Variants in FBXL17 observed in about 807,000 individuals in gnomAD.
FBXL17 encodes F-box and leucine rich repeat protein 17.
In FBXL17, 22 loss-of-function variants were observed where a neutral mutation model predicts 66.2. The ratio of observed to expected loss-of-function variants is 0.33; its 90% CI spans 0.24 to 0.47. FBXL17 has a LOEUF of 0.47. Among genes scored for constraint, FBXL17 ranks in the 20% least tolerant of loss-of-function variants. The pLI, the probability that FBXL17 is intolerant of heterozygous loss-of-function variation, is 1.00. For missense variants in FBXL17, 878 were observed against 948.2 expected, an observed-to-expected ratio of 0.93 and a Z score of 0.97; for synonymous variants, 474 against 400.5, an observed-to-expected ratio of 1.18 and a Z score of -2.19.
chr5:108,048,033 C>T (rs565093387), intron 6 of FBXL17, among the ~76,000 whole-genome samples: 24 of 152,294 alleles, frequency 1.6e-4, no homozygotes, highest in African/African-American at 4.8e-4. Flanking sequence ...TAGAAAAGAG[C>T]GATCCTACTC....
intron 6 of FBXL17, among the ~76,000 whole-genome samples, chr5:108,074,123 TG>T (rs1483895533): frequency 1.3e-5 from 2 of 152,176 alleles, no homozygotes; most frequent in South Asian, 2.1e-4. Context: ...TGTACCCCAC[TG>T]GGGGACTGTG....
chr5:108,375,367 GCACACA>G (rs61340348), intron 1 of FBXL17, among the ~76,000 whole-genome samples: 88 of 148,850 alleles, frequency 5.9e-4, no homozygotes, highest in Non-Finnish European at 9.4e-4. Flanking sequence ...CAGAGACCCT[GCACACA>G]CACACACACA....
chr5:108,071,176 T>C (rs1748316195), intron 6 of FBXL17, among the ~76,000 whole-genome samples: 1 of 152,214 alleles, frequency 6.6e-6, no homozygotes, highest in Admixed American at 6.5e-5. Context: ...GTTGTCACAC[T>C]GCAATTCTCA....
intron 6 of FBXL17, among the ~76,000 whole-genome samples, chr5:108,120,721 T>A (rs938434378): frequency 1.3e-5 from 2 of 152,090 alleles, no homozygotes; most frequent in Non-Finnish European, 2.9e-5. Context: ...TAGTCGTAGC[T>A]ACTCAGAAGG....
chr5:107,919,580 C>T (rs1750245175), intron 7 of FBXL17, among the ~76,000 whole-genome samples: 1 of 152,174 alleles, frequency 6.6e-6, no homozygotes, highest in Non-Finnish European at 1.5e-5. Flanking sequence ...CTCTTGCTCA[C>T]TCCACTCCAG....
At chr5:108,173,282 A>G (rs1752674438) in intron 6 of FBXL17, among the ~76,000 whole-genome samples, 1 of 152,218 alleles carries the variant, frequency 6.6e-6, no homozygotes, top group South Asian at 2.1e-4. Context: ...TAGCTTTAGG[A>G]GATATACCTA....
At chr5:108,149,732 G>A (rs999117490) in intron 6 of FBXL17, among the ~76,000 whole-genome samples, 5 of 152,062 alleles carry the variant, frequency 3.3e-5, no homozygotes, top group East Asian at 3.9e-4. Flanking sequence ...TACTGTGAAC[G>A]GAAAAAAATA....
intron 5 of FBXL17, among the ~76,000 whole-genome samples, chr5:108,197,813 T>C (rs1753738627): frequency 6.6e-6 from 1 of 152,202 alleles, no homozygotes; most frequent in South Asian, 2.1e-4. Context: ...AAATAAAATA[T>C]CTTTTTTTTC....
intron 8 of FBXL17, chr5:107,880,062 G>T: frequency 3.1e-6 from 1 of 318,368 alleles, no homozygotes; most frequent in Non-Finnish European, 4.5e-6. Flanking sequence ...CTGGTGTCCA[G>T]TATAGGTTTT....
rs189207265 is a variant in FBXL17 at position 107,899,623 on chromosome 5, G to T, written c.1823-18444C>A. ...CTGCACTCCAGTCCTCTTAAAAGAAGATTTTTGATTACATGGGAAGTTGGT... is the reference window on the plus strand; with the variant it reads ...CTGCACTCCAGTCCTCTTAAAAGAATATTTTTGATTACATGGGAAGTTGGT... On this transcript the variant is annotated intron_variant, in intron 7 of 8. Coordinates refer to ENST00000542267, the MANE Select transcript of FBXL17 (RefSeq NM_001163315.3). Among the ~76,000 whole-genome samples the T allele has an allele frequency of 3.9e-5, 6 of 152,252 alleles. No homozygotes were observed. The East Asian group carries it at 7.7e-4, about 20-fold the overall frequency.
At chr5:108,181,780 G>A (rs1210270109) in intron 6 of FBXL17, among the ~76,000 whole-genome samples, 1 of 152,038 alleles carries the variant, frequency 6.6e-6, no homozygotes, top group African/African-American at 2.4e-5. Flanking sequence ...AAAATAATGA[G>A]CTTAGTTAAA....
intron 6 of FBXL17, among the ~76,000 whole-genome samples, chr5:108,155,695 G>A (rs868559765): frequency 2.6e-5 from 4 of 152,038 alleles, no homozygotes; most frequent in Non-Finnish European, 5.9e-5. Context: ...AATTTCTCTA[G>A]CTCCTAGTCC....
chr5:107,911,932 A>T (rs1012683534), intron 7 of FBXL17, among the ~76,000 whole-genome samples: 1 of 152,152 alleles, frequency 6.6e-6, no homozygotes, highest in African/African-American at 2.4e-5. Flanking sequence ...ATACTTCACT[A>T]GTAATAAGGG....
chr5:108,152,940 TG>T (rs1419334419), intron 6 of FBXL17, among the ~76,000 whole-genome samples: 1 of 152,178 alleles, frequency 6.6e-6, no homozygotes, highest in East Asian at 1.9e-4. Context: ...GGGAGGAACC[TG>T]GTGGGAGGTA....
chr5:107,997,752 C>T (rs1262754655), intron 7 of FBXL17, among the ~76,000 whole-genome samples: 1 of 152,108 alleles, frequency 6.6e-6, no homozygotes, highest in Admixed American at 6.5e-5. Context: ...AAAGGAAAAG[C>T]CTCAGAAGGA....
intron 6 of FBXL17, among the ~76,000 whole-genome samples, chr5:108,048,639 G>A (rs1747351511): frequency 6.6e-6 from 1 of 152,174 alleles, no homozygotes; most frequent in South Asian, 2.1e-4. Flanking sequence ...GAAAAACACA[G>A]CATGAGAACT....
chr5:107,986,847 G>T (rs1413805569), intron 7 of FBXL17, among the ~76,000 whole-genome samples: 1 of 151,952 alleles, frequency 6.6e-6, no homozygotes, highest in Non-Finnish European at 1.5e-5. Flanking sequence ...AATCAGATTT[G>T]AGGGTGGAAA....
At chr5:108,185,695 A>G (rs950645706) in intron 6 of FBXL17, among the ~76,000 whole-genome samples, 4 of 152,216 alleles carry the variant, frequency 2.6e-5, no homozygotes, top group African/African-American at 9.6e-5. Flanking sequence ...TCTGAAAAAA[A>G]AATGTCACCT....
chr5:108,370,867 T>C (rs955567106), intron 1 of FBXL17, among the ~76,000 whole-genome samples: 1 of 152,136 alleles, frequency 6.6e-6, no homozygotes, highest in Non-Finnish European at 1.5e-5. Context: ...GGACAATATA[T>C]TAAAAGCAAT....
Sources: gnomAD v4.1 joint callset for allele counts (sites outside exome capture counted in the v4.1 genomes callset) on GRCh38, gnomAD v4.1.1 for gene constraint, MANE v1.5 for transcripts, NCBI Gene and HGNC (gene_info 2026-07-23, HGNC 2026-07-21) for gene names.